TNNI3K: variants seen among roughly 807,000 people sequenced by gnomAD.
TNNI3K encodes the protein serine/threonine-protein kinase TNNI3K.
Under a neutral mutation model 114.5 loss-of-function variants are expected in TNNI3K, and 140 were observed. The ratio of observed to expected loss-of-function variants is 1.22; its 90% CI spans 1.07 to 1.41. TNNI3K has a LOEUF of 1.41. Among genes scored for constraint, TNNI3K ranks in the 40% most tolerant of loss-of-function variants. TNNI3K has a pLI of 0.00. For synonymous variants in TNNI3K, 347 were observed against 347.5 expected (o/e 1.00, Z 0.02); for missense variants, 1,125 against 1,007.6 (o/e 1.12, Z -1.58).
At chr1:74,420,056 ATAATT>A (rs1229691617) in intron 17 of TNNI3K, among the ~76,000 whole-genome samples, 1 of 152,152 alleles carries the variant, frequency 6.6e-6, no homozygotes, top group East Asian at 1.9e-4. Flanking sequence ...AAAAGACAAA[ATAATT>A]TAGGGGAGAC....
intron 1 of TNNI3K, among the ~76,000 whole-genome samples, 178 bp downstream of exon 1, chr1:74,235,669 T>C (rs1223954860): frequency 6.6e-6 from 1 of 151,622 alleles, no homozygotes; most frequent in Non-Finnish European, 1.5e-5. Context: ...AAGATCTTTA[T>C]AGGAAACAAG....
intron 5 of TNNI3K, among the ~76,000 whole-genome samples, chr1:74,315,133 G>A (rs1659237637): frequency 6.6e-6 from 1 of 152,112 alleles, no homozygotes; most frequent in Non-Finnish European, 1.5e-5. Flanking sequence ...TTCATGGACA[G>A]AAATTAGGTT....
chr1:74,493,269 A>C (rs1401112646), intron 23 of TNNI3K, among the ~76,000 whole-genome samples: 1 of 152,214 alleles, frequency 6.6e-6, no homozygotes, highest in Non-Finnish European at 1.5e-5. Flanking sequence ...GCTGATGAAA[A>C]GATTTTGGAA....
intron 20 of TNNI3K, among the ~76,000 whole-genome samples, chr1:74,447,096 A>T (rs978199053): frequency 6.6e-6 from 1 of 151,198 alleles, no homozygotes; most frequent in Non-Finnish European, 1.5e-5. Flanking sequence ...TGGTAGCTTG[A>T]TGGGAATGGC....
chr1:74,357,905 G>A (rs1661748111), intron 11 of TNNI3K, among the ~76,000 whole-genome samples: 1 of 152,090 alleles, frequency 6.6e-6, no homozygotes, highest in Admixed American at 6.6e-5. Context: ...TTGGTCAGAA[G>A]AAATAGCCAG....
At chr1:74,333,549 C>A (rs889773178) in intron 6 of TNNI3K, among the ~76,000 whole-genome samples, 1 of 152,180 alleles carries the variant, frequency 6.6e-6, no homozygotes, top group Non-Finnish European at 1.5e-5. Flanking sequence ...AATATAGTCA[C>A]AGTCTTATAA....
At chr1:74,361,415 T>C (rs1160428905) in intron 11 of TNNI3K, among the ~76,000 whole-genome samples, 1 of 152,098 alleles carries the variant, frequency 6.6e-6, no homozygotes, top group Non-Finnish European at 1.5e-5. Flanking sequence ...ATTATATTTA[T>C]GTAATTTTTT....
At chr1:74,532,944 C>T (rs1250523378) in intron 23 of TNNI3K, among the ~76,000 whole-genome samples, 2 of 152,148 alleles carry the variant, frequency 1.3e-5, no homozygotes, top group South Asian at 2.1e-4. Context: ...AAACGCTAGA[C>T]CTAAAACCAT....
intron 22 of TNNI3K, among the ~76,000 whole-genome samples, chr1:74,491,263 A>T (rs947941080): frequency 6.6e-6 from 1 of 152,202 alleles, no homozygotes; most frequent in African/African-American, 2.4e-5. Context: ...CTCTGTCTCC[A>T]GGCTGGAGTG....
chr1:74,480,800 A>G (rs1167290978), intron 21 of TNNI3K: 1 of 717,612 alleles, frequency 1.4e-6, no homozygotes, highest in South Asian at 1.5e-5. Context: ...CTCCAGCAAC[A>G]AGGTCCGCAA....
At chr1:74,321,126 G>T (rs1199207245) in intron 5 of TNNI3K, among the ~76,000 whole-genome samples, 2 of 152,108 alleles carry the variant, frequency 1.3e-5, no homozygotes, top group Non-Finnish European at 2.9e-5. Flanking sequence ...ACATGATGTG[G>T]TCATAGCATC....
intron 2 of TNNI3K, among the ~76,000 whole-genome samples, chr1:74,248,493 G>A (rs769049611): frequency 1.8e-4 from 28 of 152,306 alleles, no homozygotes; most frequent in Middle Eastern, 6.8e-3. Context: ...AAGATTAAGC[G>A]CTTACTACAG....
rs545318571 is a variant in TNNI3K at position 74,502,514 on chromosome 1, A to G, written c.2351+10248A>G. ...GGTAGTGTTTTCATTACATCATGCT[A>G]TCTCTGGAGACTTAACTTTGCCAAC... is the stretch of plus-strand genomic sequence containing the variant. On this transcript the variant is annotated intron_variant, in intron 23 of 24. Transcript: ENST00000326637. Among the ~76,000 whole-genome samples, 18 of 152,330 alleles carry G rather than the reference A, an allele frequency of 1.2e-4. No homozygotes were observed. In the Middle Eastern group the frequency reaches 0.01, roughly 86 times the overall value.
At chr1:74,380,445 G>A (rs1038891193) in intron 17 of TNNI3K, among the ~76,000 whole-genome samples, 4 of 152,068 alleles carry the variant, frequency 2.6e-5, no homozygotes, top group African/African-American at 7.2e-5. Context: ...CAAAGCTAGC[G>A]TGGTAACTGT....
rs200123270 is a variant in TNNI3K, at chr1:74,436,448, C to A, written c.1826-26C>A. On this transcript the variant is annotated intron_variant, in intron 18 of 24. Transcript: ENST00000326637. Reference sequence around the variant, plus strand: ...CTTGGTTTTAAGATATTTCCTTTGACGTGATTTATTTTCTCTTTCCCTCAG... The same window carrying A: ...CTTGGTTTTAAGATATTTCCTTTGAAGTGATTTATTTTCTCTTTCCCTCAG... The A allele has an allele frequency of 5.8e-6, 9 of 1,562,900 alleles. No homozygotes were observed. In the East Asian group the frequency reaches 2.1e-4, roughly 36 times the overall value.
intron 5 of TNNI3K, among the ~76,000 whole-genome samples, chr1:74,274,155 TTAAAG>T (rs1242812196): frequency 6.6e-6 from 1 of 152,012 alleles, no homozygotes; most frequent in Non-Finnish European, 1.5e-5. Context: ...TACTATATTC[TTAAAG>T]TAAGCTAGTG....
chr1:74,367,938 T>C lies in TNNI3K; in HGVS notation c.1295T>C (p.Leu432Ser). 3 of 1,572,748 alleles carry C rather than the reference T, an allele frequency of 1.9e-6. No homozygotes were observed. Among genetic ancestry groups the C allele is most frequent in the Non-Finnish European group, 2.6e-6 (3 of 1,164,112 alleles). ...DGSYVSVPSP[L>S]GKIKSMTKEK... ...TCCTATGTGTCTGTTCCATCACCCT[T>C]GGGGAAGATTAAAAGCATGACAAAA... The change falls in exon 13 of 25, where the codon TTG becomes TCG. Residue 432 changes from leucine to serine, a missense_variant. Coordinates refer to ENST00000326637, the MANE Select transcript of TNNI3K (RefSeq NM_015978.3).
At chr1:74,375,723 C>G in intron 17 of TNNI3K, 1 of 387,672 alleles carries the variant, frequency 2.6e-6, no homozygotes, top group Admixed American at 2.9e-5. Context: ...CTTTCAGACC[C>G]CTACCCACCA....
intron 5 of TNNI3K, among the ~76,000 whole-genome samples, chr1:74,290,701 T>C (rs919899036): frequency 1.3e-5 from 2 of 151,772 alleles, no homozygotes; most frequent in Non-Finnish European, 3.0e-5. Flanking sequence ...ACTCAAGTTT[T>C]TTCTTTCTTT....
Sources: gnomAD v4.1 joint callset for allele counts (sites outside exome capture counted in the v4.1 genomes callset) on GRCh38, gnomAD v4.1.1 for gene constraint, MANE v1.5 for transcripts, NCBI Gene and HGNC (gene_info 2026-07-23, HGNC 2026-07-21) for gene names.